The following NFIB variants were observed in gnomAD, a reference collection of about 807,000 sequenced individuals.
NFIB encodes the protein nuclear factor 1 B-type.
Under a neutral mutation model 61.5 loss-of-function variants are expected in NFIB, and 11 were observed. The ratio of observed to expected loss-of-function variants is 0.18; its 90% CI spans 0.11 to 0.30. NFIB has a LOEUF of 0.30. NFIB is among the 10% of genes least tolerant of loss of function. NFIB has a pLI of 1.00. For missense variants in NFIB, 471 were observed against 608.9 expected, an observed-to-expected ratio of 0.77 and a Z score of 2.38; for synonymous variants, 260 against 216.5, an observed-to-expected ratio of 1.20 and a Z score of -1.76.
the NFIB span, among the ~76,000 whole-genome samples, chr9:14,454,395 T>A: frequency 6.6e-6 from 1 of 152,100 alleles, no homozygotes; most frequent in Admixed American, 6.5e-5. Flanking sequence ...ACATCCAAAA[T>A]GTTTGAATGA....
At chr9:14,442,418 C>A in the NFIB span, among the ~76,000 whole-genome samples, 1 of 152,142 alleles carries the variant, frequency 6.6e-6, no homozygotes, top group Non-Finnish European at 1.5e-5. Flanking sequence ...GACAAAATGT[C>A]CAGTAAAACA....
rs1209361904 is a variant in NFIB at position 14,150,232 on chromosome 9, G to C, written c.719C>G (p.Pro240Arg). 1 of 1,613,332 alleles carries C rather than the reference G, an allele frequency of 6.2e-7. No individual in the cohort carries two copies. Among genetic ancestry groups the C allele is most frequent in the East Asian group, 2.2e-5 (1 of 44,872 alleles). ...TGGTTGGCTTGGGATTTCTCCAATT[G>C]GGAAGTTGACTCCAGTTCCCTGGGT... Reference protein sequence around the residue: ...PITQGTGVNFPIGEIPSQPYY... With the variant: ...PITQGTGVNFRIGEIPSQPYY... The change falls in exon 5 of 11, where the codon CCA becomes CGA. Residue 240 changes from proline (P) to arginine (R), a missense_variant. Around this residue, in one of 2 missense-constraint regions of NFIB, gnomAD observed 372 missense variants for 395.6 expected, o/e 0.94. Transcript: ENST00000380953.
the NFIB span, among the ~76,000 whole-genome samples, chr9:14,523,993 G>C: frequency 6.6e-6 from 1 of 152,098 alleles, no homozygotes; most frequent in Non-Finnish European, 1.5e-5. Context: ...TTCATAACTT[G>C]GGCCCACAGA....
chr9:14,287,783 A>T (rs1462081106), intron 2 of NFIB, among the ~76,000 whole-genome samples: 1 of 152,064 alleles, frequency 6.6e-6, no homozygotes. Flanking sequence ...ATTCTGGAAG[A>T]GGCATCATTT....
chr9:14,285,133 C>T (rs72700508), intron 2 of NFIB, among the ~76,000 whole-genome samples: 14,416 of 152,136 alleles, frequency 0.095, 999 homozygotes, highest in East Asian at 0.22. Flanking sequence ...TTCCAATTTT[C>T]TTTTCTTGAG....
At chr9:14,340,373 A>C (rs576038892) in intron 1 of NFIB, among the ~76,000 whole-genome samples, 1 of 152,198 alleles carries the variant, frequency 6.6e-6, no homozygotes, top group East Asian at 1.9e-4. Flanking sequence ...CTAGCTAAAC[A>C]TTAGAATCGC....
chr9:14,353,218 C>T (rs189872330), intron 1 of NFIB, among the ~76,000 whole-genome samples: 49 of 152,146 alleles, frequency 3.2e-4, no homozygotes, highest in Admixed American at 2.2e-3. Context: ...AGGTCCAGGC[C>T]GCGTGAGCTT....
Position 14,309,141 on chromosome 9 carries a change from G to A in NFIB, c.31-1621C>T, listed in dbSNP as rs559323661. ...ACTCATGTTAATCACCCTGAACTAC[G>A]TGGAATAAATTCTATTTAACAGCAG... On this transcript the variant is annotated intron_variant, in intron 1 of 10. Coordinates refer to ENST00000380953, the MANE Select transcript of NFIB (RefSeq NM_001190737.2). Among the ~76,000 whole-genome samples, 19 of 152,246 alleles carry A rather than the reference G, an allele frequency of 1.2e-4. No homozygotes were observed. In the South Asian group the frequency reaches 3.1e-3, roughly 25 times the overall value.
chr9:14,457,825 G>A, the NFIB span, among the ~76,000 whole-genome samples: 1 of 152,006 alleles, frequency 6.6e-6, no homozygotes, highest in Non-Finnish European at 1.5e-5. Flanking sequence ...AGGAAGAAGT[G>A]GAATCTCTGA....
intron 1 of NFIB, among the ~76,000 whole-genome samples, chr9:14,339,589 A>G (rs891756154): frequency 6.6e-6 from 1 of 152,156 alleles, no homozygotes; most frequent in African/African-American, 2.4e-5. Context: ...CCATCTGCAA[A>G]TATCATTAGC....
At chr9:14,257,893 GA>G (rs1398001945) in intron 2 of NFIB, among the ~76,000 whole-genome samples, 8 of 151,768 alleles carry the variant, frequency 5.3e-5, no homozygotes, top group African/African-American at 1.5e-4. Flanking sequence ...GAAAAAATGA[GA>G]TTTTTTTTTA....
At chr9:14,229,895 G>A (rs996078291) in intron 2 of NFIB, among the ~76,000 whole-genome samples, 4 of 152,150 alleles carry the variant, frequency 2.6e-5, no homozygotes, top group African/African-American at 7.2e-5. Flanking sequence ...TCCGCCTCCC[G>A]GGTTCAAGCG....
chr9:14,136,372 T>A lies in NFIB; in HGVS notation c.925+10317A>T, dbSNP rs1262324624. Reference sequence around the variant, plus strand: ...ATAGGTAAATAGCTGCTATTCACCATGCCTCTCGGGAAAACCTCTTGGCTA... The same window carrying A: ...ATAGGTAAATAGCTGCTATTCACCAAGCCTCTCGGGAAAACCTCTTGGCTA... On this transcript the variant is annotated intron_variant, in intron 6 of 10. Coordinates refer to ENST00000380953, the MANE Select transcript of NFIB (RefSeq NM_001190737.2). Among the ~76,000 whole-genome samples the A allele has an allele frequency of 2.0e-5, 3 of 152,142 alleles. No individual in the cohort carries two copies. The South Asian group carries it at 6.2e-4, about 32-fold the overall frequency.
At chr9:14,179,611 T>C (rs2046537263) in intron 3 of NFIB, 116 bp downstream of exon 3, 3 of 1,084,378 alleles carry the variant, frequency 2.8e-6, no homozygotes, top group African/African-American at 1.6e-5. Context: ...GTCCCGATCA[T>C]ACCTGCCTGC....
At chr9:14,187,172 T>C (rs965264123) in intron 2 of NFIB, among the ~76,000 whole-genome samples, 3 of 138,200 alleles carry the variant, frequency 2.2e-5, no homozygotes, top group South Asian at 2.1e-4. Context: ...ACTGCAAAAC[T>C]TAACTTAACA....
At chr9:14,304,999 A>G (rs1440107530) in intron 2 of NFIB, among the ~76,000 whole-genome samples, 1 of 152,244 alleles carries the variant, frequency 6.6e-6, no homozygotes, top group Non-Finnish European at 1.5e-5. Flanking sequence ...AAGATAAAAT[A>G]ATGAAAAGTT....
At chr9:14,200,900 CACAACCTTTGT>C (rs2048966799) in intron 2 of NFIB, among the ~76,000 whole-genome samples, 1 of 152,304 alleles carries the variant, frequency 6.6e-6, no homozygotes, top group South Asian at 2.1e-4. Context: ...GTTGCTAGTG[CACAACCTTTGT>C]ACACTCTTGC....
In NFIB at chr9:14,116,325, C is replaced by G. The variant is rs1386665434; in HGVS notation, c.1267G>C (p.Val423Leu). ...TSQPNGSGQV[V>L]GKVPGHFTPV... ...GTGAAATGGCCAGGCACTTTCCCTA[C>G]TACTTGACCACTGCCGTTAGGCTAC... Residue 423 changes from valine to leucine, a missense_variant, in exon 9 of 11, where the codon GTA (valine) becomes CTA (leucine). Transcript: ENST00000380953. 4.6e-6 allele frequency: 7 copies of G among 1,524,298 alleles called. No individual in the cohort carries two copies. The highest frequency in any genetic ancestry group is 5.3e-6 in the Non-Finnish European group (6 of 1,134,804). 94.4% of individuals were successfully genotyped at this position (1,524,298 alleles called of 1,614,324 possible).
chr9:14,204,434 T>G lies in NFIB; in HGVS notation c.563-24654A>C, dbSNP rs1220448148. ...TGTGAAATGGCCCCGCTATAGCAGG[T>G]TGCAGCGGCAGAGAGTCATCCTCTA... On this transcript the variant is annotated intron_variant, in intron 2 of 10. Coordinates refer to ENST00000380953, the MANE Select transcript of NFIB (RefSeq NM_001190737.2). 2.6e-6 allele frequency: 3 copies of G among 1,136,230 alleles called. No individual in the cohort carries two copies. In the Admixed American group the frequency reaches 5.1e-5, roughly 19 times the overall value. 70.4% of individuals were successfully genotyped at this position (1,136,230 alleles called of 1,614,324 possible). A position where few individuals can be genotyped will look rare whatever the true frequency, so the allele number is the denominator to read the frequency against.
Sources: allele counts gnomAD v4.1 joint callset (sites outside exome capture counted in the v4.1 genomes callset), GRCh38; gene constraint gnomAD v4.1.1; regional missense constraint gnomAD v4.1.1; transcripts MANE v1.5; gene names NCBI Gene and HGNC (gene_info 2026-07-23, HGNC 2026-07-21).